CHN2: variants seen among roughly 807,000 people sequenced by gnomAD.
CHN2 encodes the protein chimerin 2, also known as beta-chimaerin.
In CHN2, 35 loss-of-function variants were observed where a neutral mutation model predicts 56.3. The ratio of observed to expected loss-of-function variants is 0.62; its 90% CI spans 0.47 to 0.82. CHN2 has a LOEUF of 0.82. Among genes scored for constraint, CHN2 ranks in the 40% least tolerant of loss-of-function variants. The pLI is 0.00. For synonymous variants in CHN2, 210 were observed against 212.8 expected (o/e 0.99, Z 0.12); for missense variants, 491 against 580.5 (o/e 0.85, Z 1.58).
At chr7:29,227,296 T>C (rs1786282936) in intron 1 of CHN2, among the ~76,000 whole-genome samples, 1 of 152,114 alleles carries the variant, frequency 6.6e-6, no homozygotes, top group South Asian at 2.1e-4. Context: ...TGACTTAGAG[T>C]CACTTTCCCA....
Position 29,249,587 on chromosome 7 carries a change from G to T in CHN2, c.49+54597G>T, listed in dbSNP as rs559101591. ...TAACCAGGCAAGTTGACACCTAACC[G>T]TCACAACCCGCTAGGTTGTCCTGCG... On this transcript the variant is annotated intron_variant, in intron 1 of 12. Transcript: ENST00000222792. 4.7e-4 allele frequency among the ~76,000 whole-genome samples: 71 copies of T among 152,274 alleles called. 1 individual carries two copies. Among genetic ancestry groups the T allele is most frequent in the Admixed American group, 1.7e-3 (26 of 15,300 alleles).
intron 1 of CHN2, among the ~76,000 whole-genome samples, chr7:29,316,932 G>A (rs1794995901): frequency 6.6e-6 from 1 of 152,128 alleles, no homozygotes; most frequent in Non-Finnish European, 1.5e-5. Flanking sequence ...TACAAAAAGG[G>A]GTGTAGGTAG....
chr7:29,203,343 T>C (rs2128770660), intron 1 of CHN2, among the ~76,000 whole-genome samples: 1 of 151,960 alleles, frequency 6.6e-6, no homozygotes, highest in Admixed American at 6.5e-5. Context: ...GGCGCATACC[T>C]GTAATCCCAG....
rs954685129 is a variant in CHN2 at position 29,513,856 on chromosome 7, T to C, written c.*1121T>C. 1.3e-5 allele frequency: 2 copies of C among 152,674 alleles called. No individual in the cohort carries two copies. Among genetic ancestry groups the C allele is most frequent in the Non-Finnish European group, 2.9e-5 (2 of 68,048 alleles). 9.5% of individuals were successfully genotyped at this position (152,674 alleles called of 1,614,324 possible). On this transcript the variant is annotated 3_prime_UTR_variant, in exon 13 of 13. Transcript: ENST00000222792. ...TATGATTTTATTACTACAGTTCCAG[T>C]CACTTGGTTATATTTATCTTAGCAT...
At chr7:29,258,784 T>G (rs1251763020) in intron 1 of CHN2, among the ~76,000 whole-genome samples, 1 of 152,112 alleles carries the variant, frequency 6.6e-6, no homozygotes, top group Non-Finnish European at 1.5e-5. Flanking sequence ...TACTGATGAG[T>G]GTGTAGAACT....
chr7:29,335,782 C>T (rs1796566494), intron 1 of CHN2: 1 of 152,258 alleles, frequency 6.6e-6, no homozygotes, highest in South Asian at 2.1e-4. Context: ...TTGCACTGTG[C>T]ACTGTAAAAG....
chr7:29,290,746 C>T (rs948861332), intron 1 of CHN2, among the ~76,000 whole-genome samples: 2 of 152,118 alleles, frequency 1.3e-5, no homozygotes, highest in African/African-American at 4.8e-5. Flanking sequence ...GTGGCAAATC[C>T]ATTCGGGTCT....
chr7:29,236,016 A>C (rs563490582), intron 1 of CHN2, among the ~76,000 whole-genome samples: 3 of 152,346 alleles, frequency 2.0e-5, no homozygotes, highest in East Asian at 3.9e-4. Flanking sequence ...AAACCTGTGC[A>C]TGTATCCCCT....
rs150063181 is a variant in CHN2, at chr7:29,175,337, A to T, written c.274+28377A>T. Among the ~76,000 whole-genome samples, 458 of 151,832 alleles carry T rather than the reference A, an allele frequency of 3.0e-3. 3 individuals carry two copies. Among genetic ancestry groups the T allele is most frequent in the African/African-American group, 0.01 (431 of 41,404 alleles). Reference sequence around the variant, plus strand: ...TTACAGGCGCATGCCACCACGCCTGACTAATTTTTTGTATTTTCAGTAGAG... The same window carrying T: ...TTACAGGCGCATGCCACCACGCCTGTCTAATTTTTTGTATTTTCAGTAGAG... On this transcript the variant is annotated intron_variant, in intron 2 of 6. Transcript: ENST00000439384.
intron 7 of CHN2, among the ~76,000 whole-genome samples, chr7:29,488,917 T>G (rs1308447871): frequency 6.6e-6 from 1 of 152,106 alleles, no homozygotes; most frequent in Non-Finnish European, 1.5e-5. Flanking sequence ...AAGCAAAAAT[T>G]CTCAACTGCA....
intron 2 of CHN2, among the ~76,000 whole-genome samples, chr7:29,176,059 G>A (rs1418902074): frequency 3.9e-5 from 6 of 151,992 alleles, no homozygotes; most frequent in Non-Finnish European, 5.9e-5. Flanking sequence ...GGTGGTGGGC[G>A]CCTGTAGTCC....
intron 2 of CHN2, among the ~76,000 whole-genome samples, chr7:29,157,311 T>A (rs1480328931): frequency 1.4e-5 from 2 of 148,002 alleles, no homozygotes; most frequent in Non-Finnish European, 3.0e-5. Flanking sequence ...TTAATCAACC[T>A]CAAAATTGCA....
At chr7:29,353,584 G>A (rs2128924742) in intron 1 of CHN2, among the ~76,000 whole-genome samples, 1 of 152,306 alleles carries the variant, frequency 6.6e-6, no homozygotes, top group African/African-American at 2.4e-5. Flanking sequence ...AACCCAGGAT[G>A]CGAAGGTTGC....
intron 6 of CHN2, among the ~76,000 whole-genome samples, chr7:29,448,806 A>C (rs182999857): frequency 6.6e-6 from 1 of 152,030 alleles, no homozygotes; most frequent in Admixed American, 6.5e-5. Context: ...AGAGCACACT[A>C]TATCTCCCCC....
intron 2 of CHN2, among the ~76,000 whole-genome samples, chr7:29,189,035 C>T (rs950095670): frequency 6.6e-6 from 1 of 150,560 alleles, no homozygotes; most frequent in Non-Finnish European, 1.5e-5. Context: ...ACTGCAACCT[C>T]TGCCTCCTGG....
intron 1 of CHN2, among the ~76,000 whole-genome samples, chr7:29,298,329 T>C (rs968423573): frequency 1.1e-4 from 16 of 151,764 alleles, no homozygotes; most frequent in South Asian, 2.1e-4. Context: ...GTTTCCCCCG[T>C]CCCCCCTCCC....
At chr7:29,459,956 C>G (rs1427604294) in intron 6 of CHN2, among the ~76,000 whole-genome samples, 2 of 152,178 alleles carry the variant, frequency 1.3e-5, no homozygotes, top group Non-Finnish European at 2.9e-5. Context: ...TCTGCCTCCC[C>G]CTCTGCCACT....
chr7:29,156,157 G>A (rs1028486355), intron 2 of CHN2, among the ~76,000 whole-genome samples: 1 of 152,158 alleles, frequency 6.6e-6, no homozygotes, highest in Non-Finnish European at 1.5e-5. Context: ...TGAGTTTTTT[G>A]ACATTCAGGT....
At chr7:29,189,956 G>A (rs1265668411), upstream of CHN2, among the ~76,000 whole-genome samples, 1 of 152,186 alleles carries the variant, frequency 6.6e-6, no homozygotes, top group Non-Finnish European at 1.5e-5. Flanking sequence ...GCCTCCCTTT[G>A]TCTGCACCCC....
Sources: gnomAD v4.1 joint callset for allele counts (sites outside exome capture counted in the v4.1 genomes callset) on GRCh38, gnomAD v4.1.1 for gene constraint, MANE v1.5 for transcripts, NCBI Gene and HGNC (gene_info 2026-07-23, HGNC 2026-07-21) for gene names.